Variants in MYRIP observed in about 807,000 individuals in gnomAD.
MYRIP encodes the protein rab effector MyRIP.
In MYRIP, 49 loss-of-function variants were observed where a neutral mutation model predicts 98.0. The observed-to-expected ratio is 0.50, with a 90% CI of 0.40 to 0.63. MYRIP has a LOEUF of 0.63. Ranked by LOEUF, MYRIP falls within the 30% of genes least tolerant of loss-of-function variation. The pLI, the probability that MYRIP is intolerant of heterozygous loss-of-function variation, is 0.00. For synonymous variants in MYRIP, 404 were observed against 409.5 expected, an observed-to-expected ratio of 0.99 and a Z score of 0.16; for missense variants, 1,004 against 1,058.2, an observed-to-expected ratio of 0.95 and a Z score of 0.71.
chr3:40,198,288 T>C (rs1443673818), intron 10 of MYRIP, among the ~76,000 whole-genome samples: 6 of 152,260 alleles, frequency 3.9e-5, no homozygotes, highest in Middle Eastern at 3.4e-3. Flanking sequence ...GGCTCAACTG[T>C]TGTGTTTTTG....
chr3:40,134,362 G>C (rs1291931762), intron 3 of MYRIP, among the ~76,000 whole-genome samples: 1 of 152,268 alleles, frequency 6.6e-6, no homozygotes, highest in Non-Finnish European at 1.5e-5. Context: ...GCTCAGGCTT[G>C]AGTAGGTAAA....
intron 2 of MYRIP, among the ~76,000 whole-genome samples, chr3:40,006,472 G>A (rs1946637928): frequency 2.0e-5 from 3 of 152,142 alleles, no homozygotes; most frequent in Admixed American, 2.0e-4. Context: ...ATGGATTCCA[G>A]ATATGTTATA....
intron 2 of MYRIP, among the ~76,000 whole-genome samples, chr3:40,014,425 G>C (rs1476760347): frequency 6.6e-6 from 1 of 152,194 alleles, no homozygotes; most frequent in Admixed American, 6.5e-5. Flanking sequence ...CAGACATTCA[G>C]CAGAACATCC....
At chr3:39,935,841 GT>G (rs1325283629) in intron 2 of MYRIP, among the ~76,000 whole-genome samples, 2 of 152,140 alleles carry the variant, frequency 1.3e-5, no homozygotes. Flanking sequence ...CTATTGCCAT[GT>G]TGTAAGTATG....
At chr3:39,977,510 G>A (rs1225946655) in intron 2 of MYRIP, among the ~76,000 whole-genome samples, 1 of 152,166 alleles carries the variant, frequency 6.6e-6, no homozygotes, top group Non-Finnish European at 1.5e-5. Context: ...TGCAGAGCCA[G>A]GCAAAACTCA....
At chr3:40,137,694 C>T (rs1469945692) in intron 3 of MYRIP, among the ~76,000 whole-genome samples, 1 of 151,854 alleles carries the variant, frequency 6.6e-6, no homozygotes, top group Non-Finnish European at 1.5e-5. Context: ...CCGTGAACAC[C>T]ATGAGACTGG....
chr3:40,127,279 G>A (rs1949543266), intron 3 of MYRIP, among the ~76,000 whole-genome samples: 1 of 152,110 alleles, frequency 6.6e-6, no homozygotes, highest in African/African-American at 2.4e-5. Context: ...ATATAACTCT[G>A]CCAGATAAAT....
rs555774938 is a variant in MYRIP at position 40,227,190 on chromosome 3, G to A, written c.1906-6669G>A. ...CAATGCAGTGCCTTGGCATAGAGTG[G>A]ATGCTTCCAGAAGGAATTAAATTAG... On this transcript the variant is annotated intron_variant, in intron 11 of 16. Transcript: ENST00000302541. Among the ~76,000 whole-genome samples the A allele has an allele frequency of 5.3e-5, 8 of 152,306 alleles. No homozygotes were observed. In the South Asian group the frequency reaches 1.7e-3, roughly 32 times the overall value.
chr3:39,850,315 C>T (rs111701663), intron 1 of MYRIP, among the ~76,000 whole-genome samples: 5 of 152,322 alleles, frequency 3.3e-5, no homozygotes, highest in South Asian at 2.1e-4. Context: ...TAGCCATTAC[C>T]ACAGTGTCCA....
At chr3:39,921,040 C>T (rs1434171888) in intron 2 of MYRIP, among the ~76,000 whole-genome samples, 3 of 152,198 alleles carry the variant, frequency 2.0e-5, no homozygotes, top group Non-Finnish European at 1.5e-5. Context: ...GGCAGTAAAA[C>T]TCTACTTGAA....
intron 3 of MYRIP, among the ~76,000 whole-genome samples, chr3:40,148,925 G>T (rs1367275973): frequency 6.6e-6 from 1 of 152,190 alleles, no homozygotes; most frequent in Non-Finnish European, 1.5e-5. Context: ...AGGGCTGAAA[G>T]GTGGAGGTGC....
rs570783523 is a variant in MYRIP, at chr3:40,003,902, A to G, written c.111-40148A>G. Among the ~76,000 whole-genome samples the G allele has an allele frequency of 2.6e-5, 4 of 152,328 alleles. No individual in the cohort carries two copies. The East Asian group carries it at 7.7e-4, about 29-fold the overall frequency. ...TTGCTCAGGGCCAGGTAAGTCCTAC[A>G]CAGCAGATTCAGCCTGAGCCTATCT... On this transcript the variant is annotated intron_variant, in intron 2 of 16. Transcript: ENST00000302541.
At chr3:40,237,680 GTC>G (rs1232836748) in intron 12 of MYRIP, among the ~76,000 whole-genome samples, 1 of 152,166 alleles carries the variant, frequency 6.6e-6, no homozygotes, top group African/African-American at 2.4e-5. Context: ...CATGCACAGG[GTC>G]TCTGTTCTTT....
At chr3:39,907,464 C>G (rs1395926015) in intron 2 of MYRIP, among the ~76,000 whole-genome samples, 1 of 152,090 alleles carries the variant, frequency 6.6e-6, no homozygotes, top group African/African-American at 2.4e-5. Flanking sequence ...CACTTAAGAG[C>G]TGGTGTGACT....
At chr3:40,032,543 C>T (rs1180354307) in intron 2 of MYRIP, among the ~76,000 whole-genome samples, 1 of 151,852 alleles carries the variant, frequency 6.6e-6, no homozygotes, top group African/African-American at 2.4e-5. Flanking sequence ...CTATTAGGTC[C>T]ACTTGGTGCA....
At chr3:39,929,491 A>G (rs1000962962) in intron 2 of MYRIP, among the ~76,000 whole-genome samples, 2 of 152,136 alleles carry the variant, frequency 1.3e-5, no homozygotes, top group Non-Finnish European at 2.9e-5. Context: ...TTGTATAGCT[A>G]CAGTAATCAC....
At chr3:40,086,952 A>G (rs565953593) in intron 3 of MYRIP, among the ~76,000 whole-genome samples, 1 of 152,182 alleles carries the variant, frequency 6.6e-6, no homozygotes, top group Admixed American at 6.5e-5. Flanking sequence ...AAGGGAAGCC[A>G]GCGCCATGCC....
chr3:39,872,443 C>G (rs1039353970), intron 1 of MYRIP, among the ~76,000 whole-genome samples: 2 of 151,436 alleles, frequency 1.3e-5, no homozygotes, highest in African/African-American at 4.9e-5. Context: ...CCCATTAACT[C>G]GTCATTTAGC....
Position 40,136,176 on chromosome 3 carries a change from G to A in MYRIP, c.333-14872G>A, listed in dbSNP as rs575629537. On this transcript the variant is annotated intron_variant, in intron 3 of 16. Coordinates refer to ENST00000302541, the MANE Select transcript of MYRIP (RefSeq NM_015460.4). ...GAGACAAACATAGGCTCAAAATAAAGGGCTGGAGGAAGATCTACCAAGCAA... is the reference window on the plus strand; with the variant it reads ...GAGACAAACATAGGCTCAAAATAAAAGGCTGGAGGAAGATCTACCAAGCAA... Among the ~76,000 whole-genome samples the A allele has an allele frequency of 1.3e-4, 20 of 152,240 alleles. No individual in the cohort carries two copies. The South Asian group carries it at 3.7e-3, about 28-fold the overall frequency.
Sources: allele counts gnomAD v4.1 joint callset (sites outside exome capture counted in the v4.1 genomes callset), GRCh38; gene constraint gnomAD v4.1.1; transcripts MANE v1.5; gene names NCBI Gene and HGNC (gene_info 2026-07-23, HGNC 2026-07-21).